Variants in ZNRF3 observed in about 807,000 individuals in gnomAD.
ZNRF3 encodes E3 ubiquitin-protein ligase ZNRF3.
ZNRF3 carries 23 observed loss-of-function variants against 72.5 expected under a neutral mutation model. That is an observed-to-expected ratio of 0.32 (90% CI 0.23 to 0.45). ZNRF3 has a LOEUF of 0.45. Among genes scored for constraint, ZNRF3 ranks in the 20% least tolerant of loss-of-function variants. The pLI is 1.00. For missense variants in ZNRF3, 1,169 were observed against 1,272.1 expected, an observed-to-expected ratio of 0.92 and a Z score of 1.23; for synonymous variants, 610 against 545.3, an observed-to-expected ratio of 1.12 and a Z score of -1.65.
At chr22:28,919,593 G>A (rs373776925) in intron 1 of ZNRF3, among the ~76,000 whole-genome samples, 4 of 150,608 alleles carry the variant, frequency 2.7e-5, no homozygotes, top group South Asian at 4.2e-4. Flanking sequence ...AGGCTGGAGT[G>A]CAGTGGTGCG....
At chr22:28,996,912 T>C (rs2036053614) in intron 2 of ZNRF3, among the ~76,000 whole-genome samples, 1 of 152,146 alleles carries the variant, frequency 6.6e-6, no homozygotes, top group South Asian at 2.1e-4. Flanking sequence ...GTAGATATTG[T>C]GGGGATGAGG....
intron 1 of ZNRF3, among the ~76,000 whole-genome samples, chr22:28,889,669 A>G (rs539988494): frequency 1.3e-3 from 201 of 152,354 alleles, no homozygotes; most frequent in African/African-American, 4.5e-3. Context: ...TCCATTGTCT[A>G]TAATGAATTA....
chr22:29,015,454 G>A (rs1290326717), intron 2 of ZNRF3, among the ~76,000 whole-genome samples: 1 of 152,142 alleles, frequency 6.6e-6, no homozygotes, highest in African/African-American at 2.4e-5. Context: ...CAGATCACCT[G>A]AGGTCAGGAG....
At chr22:28,894,048 A>G (rs1227324799) in intron 1 of ZNRF3, among the ~76,000 whole-genome samples, 1 of 151,906 alleles carries the variant, frequency 6.6e-6, no homozygotes, top group Non-Finnish European at 1.5e-5. Context: ...TTGAAATCTC[A>G]GGCTCACAAG....
intron 2 of ZNRF3, among the ~76,000 whole-genome samples, chr22:28,995,601 T>C (rs754832398): frequency 6.6e-6 from 1 of 152,168 alleles, no homozygotes; most frequent in Non-Finnish European, 1.5e-5. Context: ...GCCAAACCTC[T>C]CAGAATTTGG....
chr22:29,003,423 A>C (rs535073970), intron 2 of ZNRF3, among the ~76,000 whole-genome samples: 11 of 151,700 alleles, frequency 7.3e-5, no homozygotes, highest in African/African-American at 2.4e-4. Flanking sequence ...AGGAGGCAGG[A>C]GAATGGCTTG....
chr22:28,987,885 G>A (rs1569271881), intron 2 of ZNRF3, among the ~76,000 whole-genome samples: 1 of 152,062 alleles, frequency 6.6e-6, no homozygotes, highest in African/African-American at 2.4e-5. Context: ...AGGTGGTTAG[G>A]AGGTGAGATG....
chr22:28,986,513 A>G, intron 1 of ZNRF3: 2 of 686,382 alleles, frequency 2.9e-6, no homozygotes, highest in Non-Finnish European at 3.6e-6. Flanking sequence ...GCAAATTTTG[A>G]AAAGACCTCA....
At chr22:29,051,559 A>C (rs2037206974) in intron 8 of ZNRF3, among the ~76,000 whole-genome samples, 1 of 150,212 alleles carries the variant, frequency 6.7e-6, no homozygotes, top group African/African-American at 2.5e-5. Context: ...AGCCAAGATC[A>C]AGCTACTGCA....
intron 1 of ZNRF3, among the ~76,000 whole-genome samples, chr22:28,927,817 T>G (rs1290700635): frequency 6.6e-6 from 1 of 152,222 alleles, no homozygotes; most frequent in Non-Finnish European, 1.5e-5. Context: ...TGTGTGTATG[T>G]GTGTCTATAT....
At chr22:28,989,693 A>G in intron 2 of ZNRF3, among the ~76,000 whole-genome samples, 1 of 151,882 alleles carries the variant, frequency 6.6e-6, no homozygotes. Flanking sequence ...CGAAGGGAGG[A>G]CTCTGTCCGC....
In ZNRF3 at chr22:29,045,720, G is replaced by A. The variant is rs556462427; in HGVS notation, c.744+830G>A. 1.2e-3 allele frequency among the ~76,000 whole-genome samples: 181 copies of A among 152,210 alleles called. 1 individual carries two copies. The highest frequency in any genetic ancestry group is 4.2e-3 in the Admixed American group (64 of 15,296). ...TCAAACTCCTAACCTCATGTGATCC[G>A]CCCGCCTCGGCCTCCCAAAATGCTG... On this transcript the variant is annotated intron_variant, in intron 5 of 8. Transcript: ENST00000544604.
intron 1 of ZNRF3, among the ~76,000 whole-genome samples, chr22:28,957,554 C>T (rs966169635): frequency 1.3e-5 from 2 of 152,082 alleles, no homozygotes; most frequent in Non-Finnish European, 2.9e-5. Flanking sequence ...ATTCTCCTGC[C>T]CCAGCCTCCC....
chr22:28,925,655 C>T (rs2034587494), intron 1 of ZNRF3, among the ~76,000 whole-genome samples: 3 of 152,128 alleles, frequency 2.0e-5, no homozygotes, highest in African/African-American at 7.2e-5. Flanking sequence ...GTTAACATTT[C>T]ACTGTATTTG....
intron 2 of ZNRF3, among the ~76,000 whole-genome samples, chr22:28,997,456 C>T (rs1012465207): frequency 3.3e-5 from 5 of 152,044 alleles, no homozygotes; most frequent in Admixed American, 6.6e-5. Context: ...TCCCCTTCCT[C>T]CTTCATTCCT....
intron 1 of ZNRF3, among the ~76,000 whole-genome samples, chr22:28,980,021 G>T (rs1370417622): frequency 6.6e-6 from 1 of 152,196 alleles, no homozygotes; most frequent in Non-Finnish European, 1.5e-5. Flanking sequence ...GTGAAGGAGA[G>T]AGCTTTCCCA....
At chr22:29,040,539 C>G (rs957803980) in intron 2 of ZNRF3, among the ~76,000 whole-genome samples, 11 of 151,802 alleles carry the variant, frequency 7.2e-5, no homozygotes, top group Admixed American at 6.6e-4. Context: ...AGGCTGAAAG[C>G]AATTGAGTGA....
chr22:28,971,582 G>A (rs895539615), intron 1 of ZNRF3, among the ~76,000 whole-genome samples: 3 of 152,146 alleles, frequency 2.0e-5, no homozygotes, highest in Non-Finnish European at 4.4e-5. Flanking sequence ...TAAGGACATC[G>A]ACTTGTGCCA....
At chr22:29,042,400 G>A (rs1380036421) in intron 2 of ZNRF3, 95 bp from the exon 3 acceptor site, 2 of 990,668 alleles carry the variant, frequency 2.0e-6, no homozygotes, top group African/African-American at 3.2e-5. Flanking sequence ...GTAACTGTCA[G>A]ATTCTGCATT....
Sources: allele counts gnomAD v4.1 joint callset (sites outside exome capture counted in the v4.1 genomes callset), GRCh38; gene constraint gnomAD v4.1.1; transcripts MANE v1.5; gene names NCBI Gene and HGNC (gene_info 2026-07-23, HGNC 2026-07-21).